The following FRMD3 variants were observed in gnomAD, a reference collection of about 807,000 sequenced individuals.
The protein encoded by FRMD3 is FERM domain containing 3.
In FRMD3, 33 loss-of-function variants were observed where a neutral mutation model predicts 70.2. That is an observed-to-expected ratio of 0.47 (90% CI 0.36 to 0.63). The LOEUF (loss-of-function observed/expected upper bound fraction) is 0.63. Ranked by LOEUF, FRMD3 falls within the 20% of genes least tolerant of loss-of-function variation. The pLI, the probability that FRMD3 is intolerant of heterozygous loss-of-function variation, is 0.00. For synonymous variants in FRMD3, 279 were observed against 255.9 expected (o/e 1.09, Z -0.86); for missense variants, 632 against 711.4 (o/e 0.89, Z 1.27).
At chr9:83,375,957 C>T (rs913936904) in intron 2 of FRMD3, among the ~76,000 whole-genome samples, 16 of 151,982 alleles carry the variant, frequency 1.1e-4, no homozygotes, top group African/African-American at 3.4e-4. Context: ...GTCAGGAGTT[C>T]GAGACCAGCC....
At chr9:83,374,452 C>A (rs74501312) in intron 2 of FRMD3, among the ~76,000 whole-genome samples, 2,731 of 152,224 alleles carry the variant, frequency 0.018, 83 homozygotes, top group African/African-American at 0.062. Context: ...CTTTTTGCTT[C>A]TGGCTAAAAT....
chr9:83,464,454 C>A (rs1445421067), intron 1 of FRMD3, among the ~76,000 whole-genome samples: 1 of 152,190 alleles, frequency 6.6e-6, no homozygotes, highest in East Asian at 1.9e-4. Flanking sequence ...TAAGGGTCAC[C>A]ATCACCCCTC....
intron 1 of FRMD3, among the ~76,000 whole-genome samples, chr9:83,409,053 A>G (rs1481324813): frequency 6.6e-6 from 1 of 152,146 alleles, no homozygotes; most frequent in Non-Finnish European, 1.5e-5. Flanking sequence ...ATTGCCCCCA[A>G]AGAATCAGTT....
intron 12 of FRMD3, among the ~76,000 whole-genome samples, chr9:83,294,601 C>A (rs747260564): frequency 6.6e-6 from 1 of 152,120 alleles, no homozygotes; most frequent in Non-Finnish European, 1.5e-5. Context: ...TCTCTTAGTG[C>A]GTCTTGCCTA....
intron 1 of FRMD3, among the ~76,000 whole-genome samples, chr9:83,444,569 G>A (rs948608317): frequency 2.0e-5 from 3 of 152,176 alleles, no homozygotes; most frequent in Non-Finnish European, 4.4e-5. Context: ...AAAACAGGAC[G>A]AAAATGGCCA....
chr9:83,248,217 C>T lies in FRMD3; in HGVS notation c.1495G>A (p.Glu499Lys). The T allele has an allele frequency of 2.5e-6, 4 of 1,614,214 alleles. No homozygotes were observed. The highest frequency in any genetic ancestry group is 3.4e-6 in the Non-Finnish European group (4 of 1,180,046). ...GCACGGCGAGCCTCCTTCAGCTCCT[C>T]TTCTTCAGCAATCAAAAAGGCGTTT... Reference protein sequence around the residue: ...DENAFLIAEEEELKEARRALS... With the variant: ...DENAFLIAEEKELKEARRALS... The change falls in exon 14 of 14, where the codon GAG becomes AAG. Residue 499 changes from glutamate to lysine, a missense_variant. Glu to Lys is a moderately conservative substitution (Grantham distance 56). This residue lies in a region of FRMD3 where 418 missense variants were observed against 442.1 expected (regional missense o/e 0.95). Transcript: ENST00000304195.
chr9:83,553,379 C>T, the FRMD3 span, among the ~76,000 whole-genome samples: 32,095 of 152,064 alleles, frequency 0.21, 3,587 homozygotes, highest in East Asian at 0.37. Context: ...AGGGGACCTA[C>T]ACTTTCTCTC....
intron 1 of FRMD3, among the ~76,000 whole-genome samples, chr9:83,407,375 G>A (rs1826133273): frequency 6.6e-6 from 1 of 152,188 alleles, no homozygotes; most frequent in Non-Finnish European, 1.5e-5. Context: ...GGATATAATG[G>A]TGGAATTGCA....
At chr9:83,461,742 G>A (rs149086125) in intron 1 of FRMD3, among the ~76,000 whole-genome samples, 13 of 120,010 alleles carry the variant, frequency 1.1e-4, no homozygotes, top group East Asian at 2.7e-4. Context: ...ATGCTGGAGC[G>A]CAGTGGCACG....
chr9:83,334,025 C>T (rs1823488791), intron 6 of FRMD3, among the ~76,000 whole-genome samples: 1 of 152,072 alleles, frequency 6.6e-6, no homozygotes, highest in African/African-American at 2.4e-5. Context: ...GCGTTAGAGG[C>T]CCTGCAAATT....
At chr9:83,546,890 CAAA>C in the FRMD3 span, among the ~76,000 whole-genome samples, 10 of 64,146 alleles carry the variant, frequency 1.6e-4, no homozygotes, top group East Asian at 4.3e-3. Flanking sequence ...GACTCTGTCT[CAAA>C]AAAAAAAAAA....
chr9:83,393,096 GTATA>G (rs1236632096), intron 1 of FRMD3, among the ~76,000 whole-genome samples: 18 of 152,300 alleles, frequency 1.2e-4, no homozygotes, highest in Admixed American at 9.2e-4. Flanking sequence ...ATGTGCATAA[GTATA>G]GACTTTTGAT....
chr9:83,320,224 CT>C (rs1835746363), intron 6 of FRMD3, among the ~76,000 whole-genome samples: 1 of 151,990 alleles, frequency 6.6e-6, no homozygotes, highest in Non-Finnish European at 1.5e-5. Context: ...GCATCTTTGT[CT>C]TGTTCCCGTT....
intron 1 of FRMD3, among the ~76,000 whole-genome samples, chr9:83,403,200 A>C (rs1826002689): frequency 6.6e-6 from 1 of 152,086 alleles, no homozygotes; most frequent in Admixed American, 6.6e-5. Context: ...CACCACGCTC[A>C]GCAAGACTCT....
intron 13 of FRMD3, among the ~76,000 whole-genome samples, chr9:83,273,187 G>A (rs1833669865): frequency 6.6e-6 from 1 of 152,258 alleles, no homozygotes; most frequent in Non-Finnish European, 1.5e-5. Flanking sequence ...TTGTCGAATA[G>A]AAAAGGGGGA....
At chr9:83,548,428 T>C in the FRMD3 span, among the ~76,000 whole-genome samples, 1 of 152,136 alleles carries the variant, frequency 6.6e-6, no homozygotes, top group Admixed American at 6.6e-5. Flanking sequence ...TGAAGAGACA[T>C]GGAAGAATAT....
At chr9:83,348,175 A>T (rs1041572721) in intron 4 of FRMD3, among the ~76,000 whole-genome samples, 1 of 152,132 alleles carries the variant, frequency 6.6e-6, no homozygotes, top group Non-Finnish European at 1.5e-5. Context: ...ATTTGATTTG[A>T]TCTTCCTAAT....
intron 1 of FRMD3, among the ~76,000 whole-genome samples, chr9:83,461,741 C>G (rs1240883686): frequency 8.0e-6 from 1 of 125,678 alleles, no homozygotes; most frequent in East Asian, 2.5e-4. Context: ...CATGCTGGAG[C>G]GCAGTGGCAC....
chr9:83,284,901 C>T (rs1834124703), intron 13 of FRMD3, among the ~76,000 whole-genome samples: 1 of 152,152 alleles, frequency 6.6e-6, no homozygotes, highest in African/African-American at 2.4e-5. Context: ...CTGTCAGAGA[C>T]TTCACCAGTG....
Sources: allele counts gnomAD v4.1 joint callset (sites outside exome capture counted in the v4.1 genomes callset), GRCh38; gene constraint gnomAD v4.1.1; regional missense constraint gnomAD v4.1.1; transcripts MANE v1.5; gene names NCBI Gene and HGNC (gene_info 2026-07-23, HGNC 2026-07-21).